DPH6: variants seen among roughly 807,000 people sequenced by gnomAD.
The protein encoded by DPH6 is diphthine--ammonia ligase.
DPH6 carries 33 observed loss-of-function variants against 38.2 expected under a neutral mutation model. That is an observed-to-expected ratio of 0.86 (90% confidence interval 0.65 to 1.15). DPH6 has a LOEUF of 1.15. DPH6 is among the 50% of genes most tolerant of loss of function. The probability of loss-of-function intolerance (pLI) is 0.00; values close to 1 mark genes in which losing one functional copy is unlikely to be tolerated. For synonymous variants in DPH6, 108 were observed against 103.0 expected (o/e 1.05, Z -0.30); for missense variants, 325 against 320.0 (o/e 1.02, Z -0.12).
chr15:35,354,445 G>A (rs578202944), intron 3 of DPH6, among the ~76,000 whole-genome samples: 25 of 152,286 alleles, frequency 1.6e-4, no homozygotes, highest in African/African-American at 5.3e-4. Flanking sequence ...ATTATTTTGA[G>A]ATATGTCCCA....
intron 6 of DPH6, chr15:35,401,327 G>GCA (rs2053216236): frequency 1.3e-6 from 1 of 774,744 alleles, no homozygotes; most frequent in East Asian, 2.4e-5. Flanking sequence ...AGTGATCATG[G>GCA]TGGCTTTGGT....
chr15:35,209,543 G>C, the DPH6 span, among the ~76,000 whole-genome samples: 1 of 152,112 alleles, frequency 6.6e-6, no homozygotes, highest in Admixed American at 6.5e-5. Flanking sequence ...GAAATAAGAT[G>C]AATCTTAGCA....
At chr15:35,492,468 A>C (rs10851977) in intron 3 of DPH6, among the ~76,000 whole-genome samples, 94,494 of 152,036 alleles carry the variant, frequency 0.62, 33,377 homozygotes, top group South Asian at 0.82. Flanking sequence ...AAGTGCTAGA[A>C]GGTAATCCAT....
At chr15:35,291,995 T>G (rs1200049644) in intron 3 of DPH6, among the ~76,000 whole-genome samples, 1 of 152,128 alleles carries the variant, frequency 6.6e-6, no homozygotes, top group Non-Finnish European at 1.5e-5. Flanking sequence ...CTCTAATACT[T>G]AATTCATTTC....
chr15:35,276,856 G>A (rs548230403), intron 3 of DPH6, among the ~76,000 whole-genome samples: 1 of 152,136 alleles, frequency 6.6e-6, no homozygotes, highest in South Asian at 2.1e-4. Flanking sequence ...TTGAAATCAG[G>A]TAATGTGATG....
intron 3 of DPH6, among the ~76,000 whole-genome samples, chr15:35,348,540 C>T (rs1363313394): frequency 2.6e-5 from 4 of 152,086 alleles, no homozygotes; most frequent in Non-Finnish European, 5.9e-5. Flanking sequence ...GTTTTGACTA[C>T]TGTATATTTG....
chr15:35,315,023 T>C (rs1186418475), intron 3 of DPH6, among the ~76,000 whole-genome samples: 1 of 152,126 alleles, frequency 6.6e-6, no homozygotes, highest in African/African-American at 2.4e-5. Flanking sequence ...GGCGAAATGA[T>C]TACATCTGAG....
At chr15:35,468,495 C>T (rs552877907) in intron 3 of DPH6, among the ~76,000 whole-genome samples, 9 of 152,118 alleles carry the variant, frequency 5.9e-5, no homozygotes, top group Admixed American at 1.3e-4. Context: ...CAAAATAAGA[C>T]AGATACCCCA....
chr15:35,389,576 A>T (rs2053023113), intron 6 of DPH6, among the ~76,000 whole-genome samples: 1 of 152,108 alleles, frequency 6.6e-6, no homozygotes, highest in Non-Finnish European at 1.5e-5. Context: ...TGTTGAATTG[A>T]TCTGTTTACC....
At chr15:35,493,380 GAAAAAGAGC>G (rs1044436183) in intron 3 of DPH6, among the ~76,000 whole-genome samples, 37 of 152,210 alleles carry the variant, frequency 2.4e-4, no homozygotes, top group African/African-American at 7.5e-4. Context: ...TGCTTGTAAT[GAAAAAGAGC>G]AGAAAGCAGT....
intron 6 of DPH6, among the ~76,000 whole-genome samples, chr15:35,397,786 C>A (rs2053157539): frequency 6.6e-6 from 1 of 151,298 alleles, no homozygotes; most frequent in African/African-American, 2.4e-5. Context: ...AGCAGATAAA[C>A]AGAGGAACTG....
chr15:35,403,336 A>G (rs1476751153), intron 6 of DPH6, among the ~76,000 whole-genome samples: 12 of 152,050 alleles, frequency 7.9e-5, no homozygotes, highest in Non-Finnish European at 1.5e-4. Context: ...TTATGGGTAC[A>G]TAGTAGGTAT....
chr15:35,375,961 T>C (rs1451023479), intron 7 of DPH6, among the ~76,000 whole-genome samples: 2 of 152,132 alleles, frequency 1.3e-5, no homozygotes, highest in African/African-American at 2.4e-5. Flanking sequence ...CTGTATTCAC[T>C]AAAAGGTATA....
intron 3 of DPH6, among the ~76,000 whole-genome samples, chr15:35,245,372 G>A (rs1175998945): frequency 2.0e-5 from 3 of 151,434 alleles, no homozygotes; most frequent in Admixed American, 1.3e-4. Flanking sequence ...CCCAGTAGCT[G>A]GGACTACAGG....
chr15:35,346,775 A>G lies in DPH6; in HGVS notation n.208-15698T>C, dbSNP rs1324617863. On this transcript the variant is annotated intron_variant and non_coding_transcript_variant, in intron 3 of 3. Transcript: ENST00000558973. The stretch of plus-strand genomic sequence containing the variant: ...TGAGGCTACAAATGTCTAGTGCTTT[A>G]ATATTACTTCACAATTTTGATATGT... Among the ~76,000 whole-genome samples, 3 of 152,068 alleles carry G rather than the reference A, an allele frequency of 2.0e-5. No individual in the cohort carries two copies. In the East Asian group the frequency reaches 5.8e-4, roughly 29 times the overall value.
chr15:35,400,120 G>C (rs1445120670), intron 6 of DPH6, among the ~76,000 whole-genome samples: 1 of 152,134 alleles, frequency 6.6e-6, no homozygotes, highest in Non-Finnish European at 1.5e-5. Flanking sequence ...CTGAACATCT[G>C]GTTAACAGAT....
the DPH6 span, among the ~76,000 whole-genome samples, chr15:35,201,193 T>G: frequency 2.6e-5 from 4 of 151,648 alleles, no homozygotes; most frequent in African/African-American, 9.7e-5. Flanking sequence ...TGTATCATTC[T>G]TTTTTTCTCC....
chr15:35,204,365 A>G, the DPH6 span, among the ~76,000 whole-genome samples: 1 of 151,868 alleles, frequency 6.6e-6, no homozygotes, highest in Non-Finnish European at 1.5e-5. Flanking sequence ...CCCTGTAAGC[A>G]TATGACATCT....
At chr15:35,532,524 C>A (rs566295159) in intron 3 of DPH6, among the ~76,000 whole-genome samples, 1 of 152,090 alleles carries the variant, frequency 6.6e-6, no homozygotes, top group African/African-American at 2.4e-5. Flanking sequence ...GGAAGTCTCA[C>A]AGTAGGGCCT....
Sources: allele counts gnomAD v4.1 joint callset (sites outside exome capture counted in the v4.1 genomes callset), GRCh38; gene constraint gnomAD v4.1.1; transcripts MANE v1.5; gene names NCBI Gene and HGNC (gene_info 2026-07-23, HGNC 2026-07-21).